Variants in STPG1 observed in about 807,000 individuals in gnomAD.
The protein encoded by STPG1 is sperm tail PG-rich repeat containing 1, also known as O(6)-methylguanine-induced apoptosis 2.
In STPG1, 33 loss-of-function variants were observed where a neutral mutation model predicts 40.1. The observed-to-expected ratio is 0.82, with a 90% CI of 0.62 to 1.10. The LOEUF (loss-of-function observed/expected upper bound fraction) is 1.10, where lower values mean the gene tolerates loss of function less well. Ranked by LOEUF, STPG1 falls within the 50% of genes least tolerant of loss-of-function variation. STPG1 has a pLI of 0.00. For synonymous variants in STPG1, 150 were observed against 155.0 expected, an observed-to-expected ratio of 0.97 and a Z score of 0.24; for missense variants, 396 against 415.1, an observed-to-expected ratio of 0.95 and a Z score of 0.40.
chr1:24,361,318 G>A (rs773218776), intron 7 of STPG1, among the ~76,000 whole-genome samples: 3 of 152,190 alleles, frequency 2.0e-5, no homozygotes, highest in Non-Finnish European at 4.4e-5. Context: ...GGATAGGCCT[G>A]GCACACAGTG....
intron 2 of STPG1, among the ~76,000 whole-genome samples, chr1:24,393,336 ATTC>A (rs1412156867): frequency 6.6e-6 from 1 of 152,210 alleles, no homozygotes; most frequent in Non-Finnish European, 1.5e-5. Context: ...CAGTAAATGT[ATTC>A]TTCTCCTCCC....
At chr1:24,382,802 T>C (rs1478542690) in intron 4 of STPG1, among the ~76,000 whole-genome samples, 1 of 152,154 alleles carries the variant, frequency 6.6e-6, no homozygotes, top group East Asian at 1.9e-4. Flanking sequence ...AAAAAATCAA[T>C]TCCAATGTCA....
In STPG1 at chr1:24,369,664, T is replaced by C; in HGVS notation, c.737+10A>G. 1 of 1,583,486 alleles carries C rather than the reference T, an allele frequency of 6.3e-7. No individual in the cohort carries two copies. The highest frequency in any genetic ancestry group is 1.1e-5 in the South Asian group (1 of 87,382). Reference sequence around the variant, plus strand: ...CTTTCAAAAGAAAGACCAGAATGATTGGGACTCACGGGAAAAGAGTCTTTT... The same window carrying C: ...CTTTCAAAAGAAAGACCAGAATGATCGGGACTCACGGGAAAAGAGTCTTTT... On this transcript the variant is annotated intron_variant, in intron 7 of 8. Transcript: ENST00000337248.
At chr1:24,400,767 G>A (rs1464109469) in intron 2 of STPG1, among the ~76,000 whole-genome samples, 1 of 152,162 alleles carries the variant, frequency 6.6e-6, no homozygotes, top group Non-Finnish European at 1.5e-5. Context: ...AAACCAAAGG[G>A]AGCACATGAG....
At chr1:24,393,868 T>G (rs955056600) in intron 2 of STPG1, among the ~76,000 whole-genome samples, 1 of 152,358 alleles carries the variant, frequency 6.6e-6, no homozygotes, top group African/African-American at 2.4e-5. Flanking sequence ...CCCAGCTTTC[T>G]GCCAGGAGAA....
At chr1:24,380,429 G>A (rs1642231302) in intron 4 of STPG1, among the ~76,000 whole-genome samples, 1 of 152,154 alleles carries the variant, frequency 6.6e-6, no homozygotes, top group South Asian at 2.1e-4. Context: ...CAGAATCAAT[G>A]TTTGTCAAAA....
chr1:24,366,254 G>A (rs777318955), intron 7 of STPG1, among the ~76,000 whole-genome samples: 4 of 152,298 alleles, frequency 2.6e-5, no homozygotes, highest in Non-Finnish European at 4.4e-5. Flanking sequence ...CCACGTAGCC[G>A]TGGAGAGCTA....
chr1:24,384,404 C>G (rs955980541), intron 3 of STPG1, among the ~76,000 whole-genome samples: 1 of 152,176 alleles, frequency 6.6e-6, no homozygotes. Flanking sequence ...TTCATGTTCA[C>G]CCCACCCCAC....
intron 7 of STPG1, among the ~76,000 whole-genome samples, chr1:24,361,661 A>G (rs945557109): frequency 2.6e-5 from 4 of 152,218 alleles, no homozygotes; most frequent in Non-Finnish European, 5.9e-5. Context: ...ACCGGGCTGG[A>G]AATCAAGAGA....
rs56095151 is a variant in STPG1, at chr1:24,357,611, C to T, written c.*932G>A. The T allele has an allele frequency of 4.5e-3, 727 of 161,188 alleles. 5 individuals carry two copies. The highest frequency in any genetic ancestry group is 0.014 in the South Asian group (79 of 5,588). The allele number at this position is 161,188 out of a possible 1,614,324, so 10.0% of individuals were successfully genotyped here. ...GTACAGGCCTTGGAGGCTTTGTAAC[C>T]TCTCGGTATCTGGCGGGGTTAATGT... On this transcript the variant is annotated 3_prime_UTR_variant, in exon 9 of 9. Coordinates refer to ENST00000337248, the MANE Select transcript of STPG1 (RefSeq NM_001199013.2).
chr1:24,412,215 A>G (rs1278216226), intron 1 of STPG1, among the ~76,000 whole-genome samples: 2 of 152,214 alleles, frequency 1.3e-5, no homozygotes, highest in Non-Finnish European at 2.9e-5. Flanking sequence ...GTCGTGCCCC[A>G]CCACCTAAAG....
rs369641003 is a variant in STPG1, at chr1:24,377,609, T to G, written c.462+2044A>C. Among the ~76,000 whole-genome samples, 103 of 152,234 alleles carry G rather than the reference T, an allele frequency of 6.8e-4. 1 individual carries two copies. In the South Asian group the frequency reaches 0.017, roughly 24 times the overall value. On this transcript the variant is annotated intron_variant, in intron 5 of 8. Coordinates refer to ENST00000337248, the MANE Select transcript of STPG1 (RefSeq NM_001199013.2). The stretch of plus-strand genomic sequence containing the variant: ...TGCCAACCTCCATATCTCCCACATA[T>G]TCTCCCTCAAGCTCCAGCTGTCCCT...
At position 24,360,051 on chromosome 1, in the gene STPG1, G is replaced by A. The variant is rs542319184; in HGVS notation, c.928+800C>T. The stretch of plus-strand genomic sequence containing the variant: ...GGAAACACCTGGCACTGCCCGCCAC[G>A]AACTCGCTGCGGACCTGTGGCCCAC... On this transcript the variant is annotated intron_variant, in intron 8 of 8. Coordinates refer to ENST00000337248, the MANE Select transcript of STPG1 (RefSeq NM_001199013.2). 2.2e-4 allele frequency among the ~76,000 whole-genome samples: 34 copies of A among 152,286 alleles called. No individual in the cohort carries two copies. The South Asian group carries it at 6.0e-3, about 27-fold the overall frequency.
chr1:24,404,787 A>G (rs560135563), intron 1 of STPG1, among the ~76,000 whole-genome samples: 5 of 152,214 alleles, frequency 3.3e-5, no homozygotes, highest in Non-Finnish European at 7.4e-5. Context: ...TGTGTTTTAC[A>G]TATTTTTGTT....
At chr1:24,403,254 C>A (rs948950844) in intron 1 of STPG1, among the ~76,000 whole-genome samples, 2 of 152,268 alleles carry the variant, frequency 1.3e-5, no homozygotes, top group Non-Finnish European at 2.9e-5. Flanking sequence ...GCACACTCAT[C>A]AAAAATCTAC....
intron 7 of STPG1, chr1:24,364,394 G>A: frequency 1.3e-6 from 2 of 1,520,256 alleles, no homozygotes; most frequent in Non-Finnish European, 1.8e-6. Context: ...GAGGAGAGGT[G>A]GAAGGACGAC....
chr1:24,375,375 C>A (rs965562046), intron 5 of STPG1, among the ~76,000 whole-genome samples: 4 of 152,084 alleles, frequency 2.6e-5, no homozygotes, highest in Admixed American at 2.0e-4. Flanking sequence ...TGCTGTGATA[C>A]TCCTTTGTCA....
chr1:24,362,447 G>T (rs1294298322), intron 7 of STPG1, among the ~76,000 whole-genome samples: 1 of 152,166 alleles, frequency 6.6e-6, no homozygotes, highest in Non-Finnish European at 1.5e-5. Context: ...CCACTTACTG[G>T]CTGTAAGACA....
At chr1:24,396,297 A>G (rs4648978) in intron 2 of STPG1, among the ~76,000 whole-genome samples, 109 of 132,608 alleles carry the variant, frequency 8.2e-4, no homozygotes, top group Admixed American at 1.0e-3. Context: ...CTATCTATCT[A>G]TCATCTATCT....
Sources: gnomAD v4.1 joint callset for allele counts (sites outside exome capture counted in the v4.1 genomes callset) on GRCh38, gnomAD v4.1.1 for gene constraint, MANE v1.5 for transcripts, NCBI Gene and HGNC (gene_info 2026-07-23, HGNC 2026-07-21) for gene names.